Variants in ZNF385D observed in about 807,000 individuals in gnomAD.
The protein encoded by ZNF385D is zinc finger protein 385D.
ZNF385D carries 15 observed loss-of-function variants against 35.8 expected under a neutral mutation model. The observed-to-expected ratio is 0.42, with a 90% CI of 0.28 to 0.64. The LOEUF is 0.64. Among genes scored for constraint, ZNF385D ranks in the 30% least tolerant of loss-of-function variants. The probability of loss-of-function intolerance (pLI) is 0.23; values close to 1 mark genes in which losing one functional copy is unlikely to be tolerated. For missense variants in ZNF385D, 474 were observed against 494.6 expected (o/e 0.96, Z 0.39); for synonymous variants, 212 against 186.8 (o/e 1.13, Z -1.10).
intron 3 of ZNF385D, among the ~76,000 whole-genome samples, chr3:22,046,535 C>T (rs1699017425): frequency 6.6e-6 from 1 of 152,142 alleles, no homozygotes; most frequent in African/African-American, 2.4e-5. Flanking sequence ...AGAGCTACCA[C>T]TGAAGAAAAG....
At chr3:21,872,198 C>A (rs1334278967) in intron 3 of ZNF385D, among the ~76,000 whole-genome samples, 1 of 152,054 alleles carries the variant, frequency 6.6e-6, no homozygotes, top group Non-Finnish European at 1.5e-5. Flanking sequence ...AAAAACAGAA[C>A]AGAAATTTAT....
rs144501176 is a variant in ZNF385D at position 21,981,266 on chromosome 3, G to C, written c.325+187551C>G. On this transcript the variant is annotated intron_variant, in intron 3 of 5. Transcript: ENST00000494108. Reference sequence around the variant, plus strand: ...CTTTTTAATAAAAGCTATTCTGACTGGTATAAGATGGTAACTCATTGTGGT... The same window carrying C: ...CTTTTTAATAAAAGCTATTCTGACTCGTATAAGATGGTAACTCATTGTGGT... Among the ~76,000 whole-genome samples, 8 of 152,200 alleles carry C rather than the reference G, an allele frequency of 5.3e-5. No homozygotes were observed. The East Asian group carries it at 1.5e-3, about 29-fold the overall frequency.
At chr3:22,016,580 G>A (rs1696901342) in intron 3 of ZNF385D, among the ~76,000 whole-genome samples, 1 of 152,038 alleles carries the variant, frequency 6.6e-6, no homozygotes. Context: ...GAACGGGCAT[G>A]TGATTCTCTG....
chr3:22,175,099 G>A (rs1209499372), intron 2 of ZNF385D, among the ~76,000 whole-genome samples: 2 of 151,368 alleles, frequency 1.3e-5, no homozygotes, highest in African/African-American at 4.9e-5. Context: ...CACAGAAGGG[G>A]AGTTGTAATT....
At chr3:21,990,302 C>G (rs951404245) in intron 3 of ZNF385D, among the ~76,000 whole-genome samples, 1 of 152,130 alleles carries the variant, frequency 6.6e-6, no homozygotes, top group Non-Finnish European at 1.5e-5. Flanking sequence ...CTAGCAAAGC[C>G]TTGGTCAACA....
At chr3:22,210,363 G>A (rs1697441407) in intron 2 of ZNF385D, among the ~76,000 whole-genome samples, 1 of 151,818 alleles carries the variant, frequency 6.6e-6, no homozygotes, top group South Asian at 2.1e-4. Flanking sequence ...CGTCTTGGAA[G>A]GAAAAGAGGC....
chr3:22,105,089 G>T (rs1311787600), intron 3 of ZNF385D, among the ~76,000 whole-genome samples: 2 of 151,904 alleles, frequency 1.3e-5, no homozygotes, highest in Non-Finnish European at 2.9e-5. Context: ...GGAGATTTAG[G>T]GGCCAAGATA....
chr3:21,591,249 C>G (rs944067672), intron 2 of ZNF385D, among the ~76,000 whole-genome samples: 8 of 152,004 alleles, frequency 5.3e-5, no homozygotes, highest in Non-Finnish European at 1.2e-4. Flanking sequence ...TTATAATCAA[C>G]AAAAATTCCA....
At chr3:21,650,598 G>A (rs2065883056) in intron 2 of ZNF385D, among the ~76,000 whole-genome samples, 1 of 151,948 alleles carries the variant, frequency 6.6e-6, no homozygotes, top group African/African-American at 2.4e-5. Context: ...AGAGCTCAAA[G>A]GCATCAGCAA....
rs75918167 is a variant in ZNF385D, at chr3:21,746,957, G to A, written c.22+3938C>T. Among the ~76,000 whole-genome samples the A allele has an allele frequency of 3.3e-3, 496 of 151,758 alleles. 5 individuals carry two copies. Among genetic ancestry groups the A allele is most frequent in the African/African-American group, 0.011 (464 of 41,366 alleles). ...GTTCTAAACATCCCAGGGGAAAAAAGTCCTTCCTAAGACAATGTACAAATG... is the reference window on the plus strand; with the variant it reads ...GTTCTAAACATCCCAGGGGAAAAAAATCCTTCCTAAGACAATGTACAAATG... On this transcript the variant is annotated intron_variant, in intron 1 of 7. Transcript: ENST00000281523.
intron 3 of ZNF385D, among the ~76,000 whole-genome samples, chr3:21,779,388 G>C (rs931018360): frequency 6.6e-6 from 1 of 151,650 alleles, no homozygotes; most frequent in Non-Finnish European, 1.5e-5. Flanking sequence ...ATATACTTTT[G>C]TCTGCTTTAT....
chr3:21,930,277 C>CA (rs11453603), intron 3 of ZNF385D, among the ~76,000 whole-genome samples: 25,354 of 111,792 alleles, frequency 0.23, 2,664 homozygotes, highest in Admixed American at 0.42. Flanking sequence ...TTATACTGTA[C>CA]AAAAAAAAAA....
chr3:22,029,472 C>A (rs1415331191), intron 3 of ZNF385D, among the ~76,000 whole-genome samples: 1 of 152,162 alleles, frequency 6.6e-6, no homozygotes, highest in African/African-American at 2.4e-5. Context: ...GAGGTGCTTG[C>A]TGAAGGCAAG....
At chr3:21,876,050 G>T (rs1054734635) in intron 3 of ZNF385D, among the ~76,000 whole-genome samples, 26 of 152,042 alleles carry the variant, frequency 1.7e-4, no homozygotes, top group African/African-American at 6.3e-4. Context: ...TAGTTGGTTT[G>T]AGAAGTACTG....
chr3:21,463,846 G>C (rs1559315396), intron 4 of ZNF385D, among the ~76,000 whole-genome samples: 1 of 151,808 alleles, frequency 6.6e-6, no homozygotes, highest in Non-Finnish European at 1.5e-5. Flanking sequence ...TTTCTTCCCA[G>C]ATGGTTAGTA....
At chr3:22,154,651 T>G (rs893621715) in intron 3 of ZNF385D, among the ~76,000 whole-genome samples, 1 of 152,180 alleles carries the variant, frequency 6.6e-6, no homozygotes, top group Non-Finnish European at 1.5e-5. Context: ...TGTACATACC[T>G]TGCCTCTCTG....
chr3:22,155,207 A>G (rs1051912979), intron 3 of ZNF385D, among the ~76,000 whole-genome samples: 1 of 152,146 alleles, frequency 6.6e-6, no homozygotes, highest in African/African-American at 2.4e-5. Context: ...AAAATAAATA[A>G]AAAGATCTAT....
At chr3:21,425,369 G>A (rs1409093458) in intron 6 of ZNF385D, 123 bp downstream of exon 6, 2 of 974,506 alleles carry the variant, frequency 2.1e-6, no homozygotes, top group African/African-American at 1.7e-5. Flanking sequence ...GGCAGATGGA[G>A]GGATGGATGA....
intron 2 of ZNF385D, among the ~76,000 whole-genome samples, chr3:21,653,701 A>G (rs1222106771): frequency 2.0e-5 from 3 of 152,068 alleles, no homozygotes; most frequent in Admixed American, 6.6e-5. Flanking sequence ...TAACTAATTA[A>G]GGTGATTCTA....
Sources: gnomAD v4.1 joint callset for allele counts (sites outside exome capture counted in the v4.1 genomes callset) on GRCh38, gnomAD v4.1.1 for gene constraint, MANE v1.5 for transcripts, NCBI Gene and HGNC (gene_info 2026-07-23, HGNC 2026-07-21) for gene names.